UGT2A1: variants seen among roughly 807,000 people sequenced by gnomAD.
The protein encoded by UGT2A1 is UDP-glucuronosyltransferase 2A1.
UGT2A1 carries 61 observed loss-of-function variants against 45.4 expected under a neutral mutation model. That is an observed-to-expected ratio of 1.34 (90% CI 1.09 to 1.66). UGT2A1 has a LOEUF of 1.66. UGT2A1 is among the 40% of genes most tolerant of loss of function. UGT2A1 has a pLI of 0.00. For missense variants in UGT2A1, 649 were observed against 574.3 expected, an observed-to-expected ratio of 1.13 and a Z score of -1.33; for synonymous variants, 229 against 196.2, an observed-to-expected ratio of 1.17 and a Z score of -1.40.
At chr4:69,590,342 C>T (rs1385905556) in intron 6 of UGT2A1, among the ~76,000 whole-genome samples, 1 of 152,172 alleles carries the variant, frequency 6.6e-6, no homozygotes, top group Admixed American at 6.5e-5. Flanking sequence ...GATAACAGTT[C>T]TAATGGCTTC....
intron 3 of UGT2A1, among the ~76,000 whole-genome samples, chr4:69,635,015 C>A (rs1160530102): frequency 1.3e-5 from 2 of 151,932 alleles, no homozygotes; most frequent in Non-Finnish European, 2.9e-5. Context: ...GGGATGGATA[C>A]CCCGTACTCC....
chr4:69,606,891 A>G (rs758747689), intron 3 of UGT2A1, among the ~76,000 whole-genome samples: 2 of 136,276 alleles, frequency 1.5e-5, no homozygotes, highest in Non-Finnish European at 3.1e-5. Context: ...TTCAAGAACT[A>G]CAAACCACTG....
chr4:69,649,721 G>A (rs761124876), intron 1 of UGT2A1, among the ~76,000 whole-genome samples: 5 of 152,062 alleles, frequency 3.3e-5, no homozygotes, highest in Non-Finnish European at 7.4e-5. Context: ...GGGCTTCAGT[G>A]AGCATGTTTC....
At chr4:69,628,073 T>G (rs1302111229) in intron 3 of UGT2A1, among the ~76,000 whole-genome samples, 1 of 151,968 alleles carries the variant, frequency 6.6e-6, no homozygotes, top group Middle Eastern at 3.2e-3. Flanking sequence ...CAAGAAATTA[T>G]TGCCAAGGTC....
At chr4:69,631,349 T>C (rs985613937) in intron 3 of UGT2A1, among the ~76,000 whole-genome samples, 1 of 152,138 alleles carries the variant, frequency 6.6e-6, no homozygotes, top group Admixed American at 6.5e-5. Flanking sequence ...ATTAAAATGA[T>C]AATATTTTGT....
At chr4:69,621,550 G>T (rs958440269) in intron 3 of UGT2A1, among the ~76,000 whole-genome samples, 1 of 151,762 alleles carries the variant, frequency 6.6e-6, no homozygotes, top group African/African-American at 2.4e-5. Context: ...TAAATGGTTG[G>T]TAGAAGGGTA....
intron 3 of UGT2A1, among the ~76,000 whole-genome samples, chr4:69,612,389 A>T (rs1185549118): frequency 6.6e-6 from 1 of 152,072 alleles, no homozygotes; most frequent in East Asian, 1.9e-4. Flanking sequence ...ACATAATTAG[A>T]TAAAAACTAT....
At chr4:69,643,747 T>G (rs889891980) in intron 2 of UGT2A1, among the ~76,000 whole-genome samples, 4 of 151,456 alleles carry the variant, frequency 2.6e-5, no homozygotes, top group Non-Finnish European at 5.9e-5. Context: ...ACTTAGGGAG[T>G]TGTTCTATTT....
chr4:69,652,247 T>A (rs2109986147), intron 1 of UGT2A1, among the ~76,000 whole-genome samples: 1 of 151,730 alleles, frequency 6.6e-6, no homozygotes, highest in Admixed American at 6.6e-5. Context: ...GTTATTGCTT[T>A]TACAACAGCA....
At chr4:69,636,092 G>A (rs1212536313) in intron 2 of UGT2A1, among the ~76,000 whole-genome samples, 2 of 152,074 alleles carry the variant, frequency 1.3e-5, no homozygotes, top group African/African-American at 2.4e-5. Context: ...TTTAACTGGT[G>A]CAATCAAATA....
At chr4:69,591,351 G>A (rs894646938) in intron 6 of UGT2A1, among the ~76,000 whole-genome samples, 2 of 152,170 alleles carry the variant, frequency 1.3e-5, no homozygotes, top group Non-Finnish European at 2.9e-5. Flanking sequence ...ACAACTTGAA[G>A]TGGGGGTGCA....
At chr4:69,643,248 A>C (rs1169742418) in intron 2 of UGT2A1, among the ~76,000 whole-genome samples, 1 of 151,668 alleles carries the variant, frequency 6.6e-6, no homozygotes, top group Non-Finnish European at 1.5e-5. Context: ...AGATTTTAAA[A>C]GCTAAACACA....
chr4:69,636,228 G>A (rs926828573), intron 2 of UGT2A1, among the ~76,000 whole-genome samples: 5 of 152,022 alleles, frequency 3.3e-5, no homozygotes, highest in South Asian at 2.1e-4. Context: ...TAATGGAAAC[G>A]CCACAAAAAT....
chr4:69,618,638 T>A (rs1720556528), intron 3 of UGT2A1, among the ~76,000 whole-genome samples: 1 of 152,026 alleles, frequency 6.6e-6, no homozygotes, highest in African/African-American at 2.4e-5. Flanking sequence ...AAACCCTCGA[T>A]ACAGTAAAAT....
intron 2 of UGT2A1, among the ~76,000 whole-genome samples, chr4:69,640,676 A>G (rs1448587970): frequency 2.0e-5 from 3 of 151,978 alleles, no homozygotes; most frequent in South Asian, 2.1e-4. Context: ...TTTATACTCA[A>G]TTGCCCTTAA....
At chr4:69,600,189 T>C (rs925711166) in intron 3 of UGT2A1, among the ~76,000 whole-genome samples, 6 of 152,292 alleles carry the variant, frequency 3.9e-5, no homozygotes, top group African/African-American at 1.2e-4. Context: ...CTGGGAAACC[T>C]GGCAATCCAG....
At chr4:69,603,810 G>A (rs531755389) in intron 3 of UGT2A1, among the ~76,000 whole-genome samples, 1 of 135,394 alleles carries the variant, frequency 7.4e-6, no homozygotes, top group South Asian at 2.4e-4. Context: ...TGGAAGAAAG[G>A]GTATCAGTGA....
intron 2 of UGT2A1, among the ~76,000 whole-genome samples, chr4:69,643,092 T>C (rs1722113716): frequency 6.6e-6 from 1 of 151,540 alleles, no homozygotes; most frequent in Non-Finnish European, 1.5e-5. Context: ...GCTCTCCTAA[T>C]GCCAAAAATA....
chr4:69,633,028 G>A (rs1422223515), intron 3 of UGT2A1, among the ~76,000 whole-genome samples: 1 of 152,078 alleles, frequency 6.6e-6, no homozygotes, highest in Non-Finnish European at 1.5e-5. Context: ...AATGATAAGA[G>A]GATGTAGTAA....
Sources: allele counts gnomAD v4.1 joint callset (sites outside exome capture counted in the v4.1 genomes callset), GRCh38; gene constraint gnomAD v4.1.1; transcripts MANE v1.5; gene names NCBI Gene and HGNC (gene_info 2026-07-23, HGNC 2026-07-21).